The following SNX6 variants were observed in gnomAD, a reference collection of about 807,000 sequenced individuals.
SNX6 encodes sorting nexin 6, also known as sorting nexin-6.
Under a neutral mutation model 63.0 loss-of-function variants are expected in SNX6, and 34 were observed. The ratio of observed to expected loss-of-function variants is 0.54; its 90% CI spans 0.41 to 0.72. SNX6 has a LOEUF of 0.72. SNX6 is among the 30% of genes least tolerant of loss of function. The probability of loss-of-function intolerance (pLI) is 0.00; values close to 1 mark genes in which losing one functional copy is unlikely to be tolerated. For missense variants in SNX6, 398 were observed against 471.4 expected (o/e 0.84, Z 1.44); for synonymous variants, 170 against 164.2 (o/e 1.04, Z -0.27).
At position 34,567,857 on chromosome 14, in the gene SNX6, G is replaced by A; in HGVS notation, c.1078C>T (p.Gln360Ter). ...KFEKISESAK[Q>*]ELIDFKTRRV... ...TTAAAGGTTAACGTAACAGTACCTT[G>A]TTTTGCAGACTCAGATATTTTTTCA... is the stretch of plus-strand genomic sequence containing the variant. The change falls in exon 12 of 14, where the codon CAA becomes TAA. Residue 360 changes from glutamine to a stop codon, truncating the protein, a stop_gained. Coordinates refer to ENST00000362031, the MANE Select transcript of SNX6 (RefSeq NM_152233.4). LOFTEE classifies it high-confidence loss of function. 1 of 1,613,974 alleles carries A rather than the reference G, an allele frequency of 6.2e-7. No individual in the cohort carries two copies.
chr14:34,608,885 G>A (rs1002851500), intron 3 of SNX6, among the ~76,000 whole-genome samples: 2 of 151,988 alleles, frequency 1.3e-5, no homozygotes, highest in African/African-American at 2.4e-5. Flanking sequence ...AAAATTAGCC[G>A]GGCGTGGTGG....
At position 34,608,105 on chromosome 14, in the gene SNX6, T is replaced by C. The variant is rs377266343; in HGVS notation, c.195A>G (p.Ser65=). ...TAAATTCCTCATGTTGCCGAACAACTGAAAACTCGTTTTGTTTAAAATTTG... is the reference window on the plus strand; with the variant it reads ...TAAATTCCTCATGTTGCCGAACAACCGAAAACTCGTTTTGTTTAAAATTTG... ...SLPNFKQNEF[S]VVRQHEEFIW... The change falls in exon 4 of 14, where the codon TCA becomes TCG. Residue 65 remains serine (S), a synonymous_variant. Coordinates refer to ENST00000362031, the MANE Select transcript of SNX6 (RefSeq NM_152233.4). 13 of 1,608,276 alleles carry C rather than the reference T, an allele frequency of 8.1e-6. No individual in the cohort carries two copies. Among genetic ancestry groups the C allele is most frequent in the African/African-American group, 1.3e-5 (1 of 74,664 alleles).
At chr14:34,575,242 A>G (rs1483656639) in intron 11 of SNX6, among the ~76,000 whole-genome samples, 3 of 139,084 alleles carry the variant, frequency 2.2e-5, no homozygotes, top group African/African-American at 5.5e-5. Context: ...CCTGTTGCCC[A>G]GGCTGGAGTG....
At chr14:34,593,577 T>A (rs1851134516) in intron 7 of SNX6, among the ~76,000 whole-genome samples, 1 of 148,724 alleles carries the variant, frequency 6.7e-6, no homozygotes, top group Admixed American at 6.7e-5. Context: ...TTCTTTTCTT[T>A]TTTTTTTTTT....
At chr14:34,598,767 C>T (rs1401233797) in intron 6 of SNX6, among the ~76,000 whole-genome samples, 1 of 152,118 alleles carries the variant, frequency 6.6e-6, no homozygotes, top group Non-Finnish European at 1.5e-5. Flanking sequence ...GCTTGGAGTC[C>T]CAGCTACTTG....
Position 34,629,664 on chromosome 14 carries a change from A to C in SNX6, c.54+243T>G, listed in dbSNP as rs1883963661. On this transcript the variant is annotated intron_variant, in intron 2 of 13. Coordinates refer to ENST00000362031, the MANE Select transcript of SNX6 (RefSeq NM_152233.4). ...CCCCGCGTGGGAGTGGAGGTCCACC[A>C]GAAGGCCCGAACAGCGGCGGGGGAC... 1.7e-5 allele frequency: 12 copies of C among 698,176 alleles called. No homozygotes were observed. In the South Asian group the frequency reaches 1.8e-4, roughly 11 times the overall value. 43.2% of individuals were successfully genotyped at this position (698,176 alleles called of 1,614,324 possible).
At chr14:34,611,842 A>G (rs929627738) in intron 2 of SNX6, among the ~76,000 whole-genome samples, 3 of 151,062 alleles carry the variant, frequency 2.0e-5, no homozygotes, top group Non-Finnish European at 2.9e-5. Context: ...GCAGTGGCAC[A>G]ATCTCGGCTC....
intron 9 of SNX6, among the ~76,000 whole-genome samples, chr14:34,582,266 G>A (rs946502862): frequency 6.6e-5 from 10 of 151,784 alleles, no homozygotes; most frequent in African/African-American, 2.4e-4. Context: ...TGAGTAGCTG[G>A]GATTACAGGC....
At chr14:34,564,364 C>T (rs1023629987) in intron 13 of SNX6, among the ~76,000 whole-genome samples, 2 of 152,108 alleles carry the variant, frequency 1.3e-5, no homozygotes, top group African/African-American at 2.4e-5. Flanking sequence ...CTTGGCCCAC[C>T]ATGTACTGGT....
Position 34,562,998 on chromosome 14 carries a change from T to A in SNX6, c.*124A>T, listed in dbSNP as rs558217858. On this transcript the variant is annotated 3_prime_UTR_variant, in exon 14 of 14. Coordinates refer to ENST00000362031, the MANE Select transcript of SNX6 (RefSeq NM_152233.4). ...TCCATGTTTCTCAGAAAAAGAGGAG[T>A]TGATGCACTTTTTCAGCTGCTTTTT... The A allele has an allele frequency of 1.1e-6, 1 of 917,472 alleles. No homozygotes were observed. Among genetic ancestry groups the A allele is most frequent in the African/African-American group, 1.7e-5 (1 of 59,968 alleles). 56.8% of individuals were successfully genotyped at this position (917,472 alleles called of 1,614,324 possible).
intron 2 of SNX6, among the ~76,000 whole-genome samples, chr14:34,611,703 T>C (rs1394571146): frequency 6.7e-6 from 1 of 148,918 alleles, no homozygotes; most frequent in Non-Finnish European, 1.5e-5. Context: ...TGAGCAGAGA[T>C]TGTGCCACTA....
chr14:34,605,400 A>G (rs7146283), intron 5 of SNX6, 196 bp downstream of exon 5: 302,902 of 376,260 alleles, frequency 0.81, 122,624 homozygotes, highest in East Asian at 0.85. Context: ...TTACAGTGGA[A>G]ACAATTATTC....
chr14:34,623,130 C>T (rs1023333159), intron 2 of SNX6, among the ~76,000 whole-genome samples: 11 of 152,136 alleles, frequency 7.2e-5, no homozygotes, highest in Non-Finnish European at 1.3e-4. Context: ...CCTCAGCCAA[C>T]ATAATATATG....
At chr14:34,569,203 T>C in intron 11 of SNX6, 1 of 672,088 alleles carries the variant, frequency 1.5e-6, no homozygotes, top group Non-Finnish European at 2.7e-6. Context: ...AGCTTGATAG[T>C]CCATGTACCA....
chr14:34,606,609 T>C (rs1207383311), intron 4 of SNX6, among the ~76,000 whole-genome samples: 2 of 151,842 alleles, frequency 1.3e-5, no homozygotes, highest in Admixed American at 6.6e-5. Context: ...TGTGCCACCA[T>C]GCCTGGCTAA....
chr14:34,611,412 G>A lies in SNX6; in HGVS notation c.55-1670C>T, dbSNP rs571769476. Among the ~76,000 whole-genome samples, 8 of 151,542 alleles carry A rather than the reference G, an allele frequency of 5.3e-5. No homozygotes were observed. The East Asian group carries it at 1.6e-3, about 30-fold the overall frequency. On this transcript the variant is annotated intron_variant, in intron 2 of 13. Coordinates refer to ENST00000362031, the MANE Select transcript of SNX6 (RefSeq NM_152233.4). ...GAATGGCTTGAGCCCAAGAGGTGGA[G>A]GTTGCAGTGAGCTGAAATCATGCCA...
intron 4 of SNX6, 85 bp downstream of exon 4, chr14:34,607,945 A>G: frequency 1.5e-6 from 1 of 678,690 alleles, no homozygotes; most frequent in Non-Finnish European, 2.4e-6. Flanking sequence ...ACAGTTCACA[A>G]AAAATGCTAA....
intron 11 of SNX6, among the ~76,000 whole-genome samples, chr14:34,571,163 G>T: frequency 6.6e-6 from 1 of 152,172 alleles, no homozygotes; most frequent in African/African-American, 2.4e-5. Flanking sequence ...GCCAGGTGCA[G>T]TGGCTCACGT....
At chr14:34,570,900 A>G (rs1240320590) in intron 11 of SNX6, among the ~76,000 whole-genome samples, 1 of 147,954 alleles carries the variant, frequency 6.8e-6, no homozygotes, top group Non-Finnish European at 1.5e-5. Context: ...ATTTTTTTGT[A>G]TTTTAGTAGA....
Sources: gnomAD v4.1 joint callset for allele counts (sites outside exome capture counted in the v4.1 genomes callset) on GRCh38, gnomAD v4.1.1 for gene constraint, MANE v1.5 for transcripts, NCBI Gene and HGNC (gene_info 2026-07-23, HGNC 2026-07-21) for gene names.